The following NCOR2 variants were observed in gnomAD, a reference collection of about 807,000 sequenced individuals.
NCOR2 encodes the protein nuclear receptor corepressor 2, also known as CTG repeat protein 26.
NCOR2 carries 81 observed loss-of-function variants against 262.9 expected under a neutral mutation model. That is an observed-to-expected ratio of 0.31 (90% CI 0.26 to 0.37). The LOEUF is 0.37. Ranked by LOEUF, NCOR2 falls within the 10% of genes least tolerant of loss-of-function variation. The pLI is 1.00. For missense variants in NCOR2, 3,385 were observed against 3,621.4 expected (o/e 0.93, Z 1.68); for synonymous variants, 1,659 against 1,559.3 (o/e 1.06, Z -1.51).
At chr12:124,411,181 G>A (rs1593418663) in intron 13 of NCOR2, among the ~76,000 whole-genome samples, 1 of 152,040 alleles carries the variant, frequency 6.6e-6, no homozygotes, top group Admixed American at 6.6e-5. Context: ...ACGAGACGTG[G>A]ACACAGAGAT....
intron 40 of NCOR2, 168 bp downstream of exon 42, chr12:124,334,967 G>T: frequency 2.0e-6 from 2 of 1,003,808 alleles, no homozygotes; most frequent in Non-Finnish European, 3.0e-6. Flanking sequence ...GGTGCTCGGG[G>T]CTTTGGGATC....
chr12:124,410,273 C>T (rs975304412), intron 13 of NCOR2, among the ~76,000 whole-genome samples: 2 of 150,066 alleles, frequency 1.3e-5, no homozygotes, highest in Non-Finnish European at 1.5e-5. Context: ...CGCCCCTGCA[C>T]TGCATCCTGG....
At chr12:124,458,569 C>T (rs1384852417) in intron 5 of NCOR2, among the ~76,000 whole-genome samples, 1 of 152,222 alleles carries the variant, frequency 6.6e-6, no homozygotes, top group Non-Finnish European at 1.5e-5. Context: ...GTCACTTCTC[C>T]AAGCACCTGC....
At chr12:124,514,602 T>A (rs2049603589) in intron 1 of NCOR2, 1 of 152,128 alleles carries the variant, frequency 6.6e-6, no homozygotes, top group Non-Finnish European at 1.5e-5. Context: ...ATCCTAGCAC[T>A]TTGAGAGGCC....
Position 124,432,541 on chromosome 12 carries a change from C to T in NCOR2, c.883-1754G>A, listed in dbSNP as rs766482913. ...GGGGCTCCGGCCGCACCAGACAGCC[C>T]GGATGGAGCCCACTGCCACACCACA... On this transcript the variant is annotated intron_variant, in intron 8 of 46. Transcript: ENST00000405201. This position sits in a 1 kb window ranked among gnomAD's most constrained non-coding sequence, Gnocchi z 5.1. Among the ~76,000 whole-genome samples the T allele has an allele frequency of 2.8e-4, 42 of 152,306 alleles. No homozygotes were observed. The highest frequency in any genetic ancestry group is 3.4e-3 in the Middle Eastern group (1 of 294).
At chr12:124,384,599 CCTT>C (rs1346471381) in intron 17 of NCOR2, among the ~76,000 whole-genome samples, 1 of 152,142 alleles carries the variant, frequency 6.6e-6, no homozygotes, top group East Asian at 1.9e-4. Context: ...GGAAGGATGT[CCTT>C]AAATTCTGCA....
chr12:124,382,354 G>A (rs1007164509), intron 17 of NCOR2, among the ~76,000 whole-genome samples: 2 of 152,126 alleles, frequency 1.3e-5, no homozygotes, highest in East Asian at 1.9e-4. Context: ...TCTGCAGCCC[G>A]CGATATGAGG....
At chr12:124,397,736 G>T (rs1180710795) in intron 16 of NCOR2, among the ~76,000 whole-genome samples, 1 of 152,182 alleles carries the variant, frequency 6.6e-6, no homozygotes, top group African/African-American at 2.4e-5. Flanking sequence ...CTACCGAGAT[G>T]GCCGCCGGCA....
chr12:124,471,744 A>G (rs10846678), intron 4 of NCOR2, among the ~76,000 whole-genome samples: 19,997 of 152,196 alleles, frequency 0.13, 1,416 homozygotes, highest in South Asian at 0.2. Flanking sequence ...GTTTTAAATT[A>G]TTTGTAGAGA....
intron 13 of NCOR2, among the ~76,000 whole-genome samples, chr12:124,416,254 A>G (rs920244661): frequency 6.6e-6 from 1 of 152,304 alleles, no homozygotes; most frequent in Non-Finnish European, 1.5e-5. Context: ...TTTACCCATC[A>G]AAAATGAGCA....
At position 124,387,051 on chromosome 12, in the gene NCOR2, G is replaced by T. The variant is rs1452526688; in HGVS notation, c.1877-1164C>A. 2.6e-4 allele frequency among the ~76,000 whole-genome samples: 40 copies of T among 152,248 alleles called. 1 individual carries two copies. Among genetic ancestry groups the T allele is most frequent in the Admixed American group, 2.6e-3 (39 of 15,290 alleles). On this transcript the variant is annotated intron_variant, in intron 16 of 46. Transcript: ENST00000405201. ...GACATGGCAGCCTCTCTGAGCTGGA[G>T]CTCCACTTGTAAGGACTTTAATGAA...
chr12:124,422,494 G>A lies in NCOR2; in HGVS notation c.1383+7C>T, dbSNP rs765615986. On this transcript the variant is annotated splice_region_variant and intron_variant, in intron 12 of 46. Coordinates refer to ENST00000405201, the Ensembl canonical transcript of NCOR2. ...ACCGAAGGGGTATGGGGCGGGCAGC[G>A]ACTCACCTTCCTCTCCAGGAATGAT... 13 of 1,613,958 alleles carry A rather than the reference G, an allele frequency of 8.1e-6. No homozygotes were observed. The highest frequency in any genetic ancestry group is 2.2e-5 in the South Asian group (2 of 91,084).
At chr12:124,567,598 CGCGGCGGCGGTGGCGGCGGCG>C (rs1244526958), upstream of NCOR2, 1 of 138,696 alleles carries the variant, frequency 7.2e-6, no homozygotes, top group African/African-American at 2.5e-5. Context: ...CCCCGGCGGC[CGCGGCGGCGGTGGCGGCGGCG>C]GCGGCGGCGG....
At chr12:124,330,804 G>C in intron 44 of NCOR2, 41 bp downstream of exon 46, 2 of 1,554,580 alleles carry the variant, frequency 1.3e-6, no homozygotes, top group Non-Finnish European at 1.7e-6. Context: ...AGGGAGCGGA[G>C]GGGACCAGGG....
Position 124,483,724 on chromosome 12 carries a change from G to C in NCOR2, c.283C>G (p.Leu95Val), listed in dbSNP as rs764887804. The C allele has an allele frequency of 2.5e-6, 4 of 1,611,188 alleles. No homozygotes were observed. Among genetic ancestry groups the C allele is most frequent in the Non-Finnish European group, 3.4e-6 (4 of 1,178,764 alleles). The change falls in exon 3 of 47, where the codon CTG becomes GTG. Residue 95 changes from leucine to valine, a missense_variant. Around this residue, in one of 5 missense-constraint regions of NCOR2, gnomAD observed 237 missense variants for 229.4 expected, o/e 1.03. Transcript: ENST00000405201. This position sits in a 1 kb window ranked among gnomAD's most constrained non-coding sequence, Gnocchi z 6.3. ...ATGAACTCCATCTCTGACTTCCCCAGCTCGGGCAGGTATGAGTGGGACTCT... is the reference window on the plus strand; with the variant it reads ...ATGAACTCCATCTCTGACTTCCCCACCTCGGGCAGGTATGAGTGGGACTCT...
In NCOR2 at chr12:124,348,211, G is replaced by GCC. The variant is rs760563231; in HGVS notation, c.3946_3947dup (p.Arg1317AlafsTer63). The GCC allele has an allele frequency of 6.2e-7, 1 of 1,612,646 alleles. No individual in the cohort carries two copies. The highest frequency in any genetic ancestry group is 8.5e-7 in the Non-Finnish European group (1 of 1,180,014). ...CTGAGGAGATGGCTCTGCCCACGCG[G>GCC]CCCTCCATCATGTCATAGGTGCGCT... On this transcript the variant is annotated frameshift_variant, in exon 29 of 47. Transcript: ENST00000405201. LOFTEE classifies it high-confidence loss of function.
intron 1 of NCOR2, among the ~76,000 whole-genome samples, chr12:124,547,888 C>T (rs1162838791): frequency 6.6e-6 from 1 of 151,964 alleles, no homozygotes; most frequent in Non-Finnish European, 1.5e-5. Context: ...TATGGAGAGA[C>T]CAATCATATA....
At chr12:124,535,319 C>T (rs2051070390) in intron 1 of NCOR2, among the ~76,000 whole-genome samples, 1 of 152,226 alleles carries the variant, frequency 6.6e-6, no homozygotes, top group African/African-American at 2.4e-5. Context: ...TCTCAGGTGT[C>T]ATCAAAAAAT....
chr12:124,372,029 T>C (rs1299185275), exon 20 of NCOR2: 1 of 1,588,554 alleles, frequency 6.3e-7, no homozygotes, highest in Non-Finnish European at 8.6e-7. Context: ...CACCGGTTCT[T>C]GTCGCCGCCC....
Sources: allele counts gnomAD v4.1 joint callset (sites outside exome capture counted in the v4.1 genomes callset), GRCh38; gene constraint gnomAD v4.1.1; regional missense constraint gnomAD v4.1.1; non-coding constraint Gnocchi (gnomAD v3.1); transcripts MANE v1.5; gene names NCBI Gene and HGNC (gene_info 2026-07-23, HGNC 2026-07-21).